CAMKMT: variants seen among roughly 807,000 people sequenced by gnomAD.
CAMKMT encodes the protein CaM KMT.
Under a neutral mutation model 48.0 loss-of-function variants are expected in CAMKMT, and 53 were observed. The ratio of observed to expected loss-of-function variants is 1.10; its 90% confidence interval spans 0.89 to 1.39. The LOEUF (loss-of-function observed/expected upper bound fraction) is 1.39, where lower values mean the gene tolerates loss of function less well. CAMKMT is among the 40% of genes most tolerant of loss of function. The pLI is 0.00. For missense variants in CAMKMT, 428 were observed against 402.7 expected, an observed-to-expected ratio of 1.06 and a Z score of -0.54; for synonymous variants, 165 against 152.3, an observed-to-expected ratio of 1.08 and a Z score of -0.61.
At chr2:44,672,251 G>A (rs1158567583) in intron 3 of CAMKMT, among the ~76,000 whole-genome samples, 1 of 152,196 alleles carries the variant, frequency 6.6e-6, no homozygotes, top group Non-Finnish European at 1.5e-5. Flanking sequence ...TCTGGTGAAT[G>A]GCAGCAATAC....
chr2:44,661,310 CTTTTTTTTTTTT>C (rs764984677), intron 3 of CAMKMT, among the ~76,000 whole-genome samples: 2 of 89,180 alleles, frequency 2.2e-5, no homozygotes, highest in Admixed American at 1.5e-4. Context: ...TGTGAGCAGC[CTTTTTTTTTTTT>C]TTTTTTTTTT....
intron 3 of CAMKMT, among the ~76,000 whole-genome samples, chr2:44,638,662 T>G (rs530301099): frequency 6.6e-6 from 1 of 152,362 alleles, no homozygotes; most frequent in South Asian, 2.1e-4. Flanking sequence ...CTTTTATGAG[T>G]AAAATTACAT....
intron 3 of CAMKMT, among the ~76,000 whole-genome samples, chr2:44,497,425 G>A (rs530540595): frequency 1.3e-5 from 2 of 152,070 alleles, no homozygotes; most frequent in South Asian, 2.1e-4. Flanking sequence ...AATGGATTCA[G>A]GAAATTCATT....
At chr2:44,540,159 C>CGTAT (rs1553411547) in intron 3 of CAMKMT, among the ~76,000 whole-genome samples, 1 of 149,764 alleles carries the variant, frequency 6.7e-6, no homozygotes, top group Non-Finnish European at 1.5e-5. Context: ...TATGTATATA[C>CGTAT]ATATATATAT....
intron 3 of CAMKMT, among the ~76,000 whole-genome samples, chr2:44,588,946 A>G (rs1181708758): frequency 3.2e-3 from 2 of 618 alleles, no homozygotes; most frequent in South Asian, 0.05. Context: ...CCGCCTGGCC[A>G]GCCGCCCCGT....
chr2:44,382,267 C>T (rs2104389958), intron 2 of CAMKMT, among the ~76,000 whole-genome samples: 1 of 151,888 alleles, frequency 6.6e-6, no homozygotes, highest in South Asian at 2.1e-4. Context: ...TGCTCATTTT[C>T]ATCTTTTCTT....
chr2:44,372,403 T>C (rs1272499271), intron 1 of CAMKMT, among the ~76,000 whole-genome samples: 1 of 151,156 alleles, frequency 6.6e-6, no homozygotes, highest in Non-Finnish European at 1.5e-5. Flanking sequence ...GAGGATCGCC[T>C]GAACCCAGCT....
At chr2:44,645,186 G>A (rs992519552) in intron 3 of CAMKMT, among the ~76,000 whole-genome samples, 4 of 152,180 alleles carry the variant, frequency 2.6e-5, no homozygotes, top group African/African-American at 9.7e-5. Context: ...AGGAGGCCAG[G>A]GGTAAAAGCA....
chr2:44,495,741 G>A (rs74679821), intron 3 of CAMKMT, among the ~76,000 whole-genome samples: 1 of 152,218 alleles, frequency 6.6e-6, no homozygotes, highest in African/African-American at 2.4e-5. Flanking sequence ...CCATTCTTTA[G>A]CAGCTGTCAC....
intron 2 of CAMKMT, among the ~76,000 whole-genome samples, chr2:44,373,860 A>C (rs1468965003): frequency 6.6e-6 from 1 of 152,162 alleles, no homozygotes; most frequent in East Asian, 1.9e-4. Context: ...GCAGTGGCTC[A>C]TGCCTGTAAT....
At position 44,538,632 on chromosome 2, in the gene CAMKMT, G is replaced by A. The variant is rs141858596; in HGVS notation, c.376+148327G>A. ...TCAGGGACTCAGGAGGAGAGGTTGG[G>A]GTGGGGGTGATAGATAAAAGACTGC... On this transcript the variant is annotated intron_variant, in intron 3 of 10. Coordinates refer to ENST00000378494, the MANE Select transcript of CAMKMT (RefSeq NM_024766.5). 2.2e-3 allele frequency among the ~76,000 whole-genome samples: 336 copies of A among 152,116 alleles called. 1 individual carries two copies. The highest frequency in any genetic ancestry group is 3.7e-3 in the Admixed American group (57 of 15,270).
intron 3 of CAMKMT, among the ~76,000 whole-genome samples, chr2:44,392,342 T>C (rs766833526): frequency 7.9e-5 from 12 of 152,138 alleles, no homozygotes; most frequent in Non-Finnish European, 1.8e-4. Flanking sequence ...CTTTTTATTT[T>C]AACAGAAAAA....
At position 44,545,395 on chromosome 2, in the gene CAMKMT, T is replaced by G. The variant is rs556107043; in HGVS notation, c.376+155090T>G. 2.0e-5 allele frequency among the ~76,000 whole-genome samples: 3 copies of G among 152,324 alleles called. No homozygotes were observed. In the East Asian group the frequency reaches 5.8e-4, roughly 29 times the overall value. On this transcript the variant is annotated intron_variant, in intron 3 of 10. Transcript: ENST00000378494. ...TTTAAATTAAAAAATCAGTTACTAC[T>G]CTGAGCCTGTCTCTTTACTAGGCAT...
chr2:44,485,082 G>A (rs1433619955), intron 3 of CAMKMT, among the ~76,000 whole-genome samples: 2 of 152,106 alleles, frequency 1.3e-5, no homozygotes, highest in East Asian at 1.9e-4. Context: ...TGATAATAAC[G>A]TTGAGCAATT....
In CAMKMT at chr2:44,689,260, T is replaced by TA. The variant is rs1220498219; in HGVS notation, c.377-15022dup. Among the ~76,000 whole-genome samples, 4 of 126,062 alleles carry TA rather than the reference T, an allele frequency of 3.2e-5. No individual in the cohort carries two copies. The East Asian group carries it at 8.9e-4, about 28-fold the overall frequency. The allele number at this position is 126,062 out of a possible 152,430, so 82.7% of individuals were successfully genotyped here. A position where few individuals can be genotyped will look rare whatever the true frequency, so the allele number is the denominator to read the frequency against. ...GCCTTTTCAAGACATGACCCAGCAC[T>TA]ATTTTTTATTTATTTATTTATTTAT... is the stretch of plus-strand genomic sequence containing the variant. On this transcript the variant is annotated intron_variant, in intron 3 of 10. Transcript: ENST00000378494.
At chr2:44,495,329 G>A (rs887563348) in intron 3 of CAMKMT, among the ~76,000 whole-genome samples, 7 of 151,710 alleles carry the variant, frequency 4.6e-5, no homozygotes, top group South Asian at 2.1e-4. Flanking sequence ...TTTTGGTAGC[G>A]GTCAGGATCT....
chr2:44,565,136 A>G, intron 3 of CAMKMT, among the ~76,000 whole-genome samples: 1 of 151,952 alleles, frequency 6.6e-6, no homozygotes, highest in African/African-American at 2.4e-5. Flanking sequence ...GTGCTGGCCA[A>G]AGGGACCCCC....
At chr2:44,554,472 A>G (rs563544612) in intron 3 of CAMKMT, among the ~76,000 whole-genome samples, 1 of 152,188 alleles carries the variant, frequency 6.6e-6, no homozygotes, top group African/African-American at 2.4e-5. Flanking sequence ...ACAGTGGCTC[A>G]TGCCTGTAAT....
intron 8 of CAMKMT, among the ~76,000 whole-genome samples, chr2:44,747,023 G>A (rs1209684182): frequency 6.6e-6 from 1 of 152,126 alleles, no homozygotes; most frequent in African/African-American, 2.4e-5. Context: ...ATTCTCAAAA[G>A]GCTTAGAAAG....
Sources: gnomAD v4.1 joint callset for allele counts (sites outside exome capture counted in the v4.1 genomes callset) on GRCh38, gnomAD v4.1.1 for gene constraint, MANE v1.5 for transcripts, NCBI Gene and HGNC (gene_info 2026-07-23, HGNC 2026-07-21) for gene names.